Variants in WDR70 observed in about 807,000 individuals in gnomAD.
The protein encoded by WDR70 is WD repeat-containing protein 70.
A neutral mutation model predicts 88.6 loss-of-function variants in WDR70; 53 were observed. The ratio of observed to expected loss-of-function variants is 0.60; its 90% confidence interval spans 0.48 to 0.75. The LOEUF is 0.75. WDR70 is among the 30% of genes least tolerant of loss of function. The pLI, the probability that WDR70 is intolerant of heterozygous loss-of-function variation, is 0.00. For missense variants in WDR70, 610 were observed against 823.2 expected (o/e 0.74, Z 3.17); for synonymous variants, 280 against 270.0 (o/e 1.04, Z -0.36).
At chr5:37,601,655 T>G (rs537402565) in intron 9 of WDR70, among the ~76,000 whole-genome samples, 4 of 151,234 alleles carry the variant, frequency 2.6e-5, no homozygotes, top group African/African-American at 4.9e-5. Flanking sequence ...CAGGTCCTGG[T>G]TTTTTTTTGA....
At position 37,542,843 on chromosome 5, in the gene WDR70, C is replaced by A. The variant is rs79991753; in HGVS notation, c.917+26253C>A. The stretch of plus-strand genomic sequence containing the variant: ...TATGACTCATTAATTGCAAATATGA[C>A]CACAATTCTTCATCTTTGCTTATAT... On this transcript the variant is annotated intron_variant, in intron 9 of 17. Coordinates refer to ENST00000265107, the MANE Select transcript of WDR70 (RefSeq NM_018034.4). Among the ~76,000 whole-genome samples, 121 of 152,270 alleles carry A rather than the reference C, an allele frequency of 7.9e-4. 1 individual carries two copies. The highest frequency in any genetic ancestry group is 6.8e-3 in the Admixed American group (104 of 15,298).
intron 10 of WDR70, among the ~76,000 whole-genome samples, chr5:37,658,688 G>GC (rs915005192): frequency 1.3e-5 from 2 of 152,014 alleles, no homozygotes; most frequent in African/African-American, 4.8e-5. Context: ...CATCTGTTTA[G>GC]CCCCAGCTTC....
chr5:37,412,004 T>G (rs1749540843), intron 5 of WDR70, among the ~76,000 whole-genome samples: 1 of 152,072 alleles, frequency 6.6e-6, no homozygotes, highest in African/African-American at 2.4e-5. Context: ...AATTGTTCTT[T>G]CCAGTAGAAT....
chr5:37,615,397 G>C lies in WDR70; in HGVS notation c.1092+10159G>C, dbSNP rs150510123. On this transcript the variant is annotated intron_variant, in intron 10 of 17. Coordinates refer to ENST00000265107, the MANE Select transcript of WDR70 (RefSeq NM_018034.4). The stretch of plus-strand genomic sequence containing the variant: ...GAAATTTCAGGACACCAGGAATATA[G>C]AGAAGATTTTACTCACAGGGAATAC... Among the ~76,000 whole-genome samples the C allele has an allele frequency of 3.3e-5, 5 of 152,218 alleles. No homozygotes were observed. The East Asian group carries it at 9.7e-4, about 29-fold the overall frequency.
chr5:37,650,691 G>T (rs1358787754), intron 10 of WDR70, among the ~76,000 whole-genome samples: 1 of 152,086 alleles, frequency 6.6e-6, no homozygotes. Context: ...TTAATTTAGG[G>T]ATTATTTGCA....
chr5:37,553,013 A>G (rs531878256), intron 9 of WDR70, among the ~76,000 whole-genome samples: 25 of 152,352 alleles, frequency 1.6e-4, no homozygotes, highest in African/African-American at 5.8e-4. Context: ...GACTCGCCTG[A>G]GAAAGTTCTC....
intron 5 of WDR70, among the ~76,000 whole-genome samples, chr5:37,419,517 T>A (rs967567407): frequency 2.7e-5 from 4 of 150,150 alleles, no homozygotes; most frequent in South Asian, 4.5e-4. Flanking sequence ...TTTCTTTTTT[T>A]AAAAACTGAA....
intron 9 of WDR70, among the ~76,000 whole-genome samples, chr5:37,522,032 A>G (rs553346596): frequency 2.0e-5 from 3 of 152,150 alleles, no homozygotes; most frequent in African/African-American, 7.2e-5. Context: ...ACCAACATCT[A>G]TTATTTTTTG....
chr5:37,589,936 A>G (rs141882276), intron 9 of WDR70, among the ~76,000 whole-genome samples: 126 of 152,294 alleles, frequency 8.3e-4, no homozygotes, highest in African/African-American at 3.0e-3. Context: ...AAAATATTTT[A>G]CAAGTGCTTC....
At chr5:37,563,202 G>A (rs1249623698) in intron 9 of WDR70, among the ~76,000 whole-genome samples, 1 of 63,390 alleles carries the variant, frequency 1.6e-5, no homozygotes, top group Non-Finnish European at 4.0e-5. Flanking sequence ...CCTCCTGGAC[G>A]GGGCGGCTGG....
chr5:37,684,802 C>G (rs1746532513), intron 10 of WDR70, among the ~76,000 whole-genome samples: 1 of 152,192 alleles, frequency 6.6e-6, no homozygotes, highest in African/African-American at 2.4e-5. Context: ...GCAACAGTAG[C>G]AGCAGTGCAG....
At chr5:37,533,148 C>T (rs752027027) in intron 9 of WDR70, among the ~76,000 whole-genome samples, 2 of 152,142 alleles carry the variant, frequency 1.3e-5, no homozygotes, top group Non-Finnish European at 2.9e-5. Context: ...ATAGCAGCAC[C>T]CGAACCAGTA....
rs1213729596 is a variant in WDR70, at chr5:37,379,320, AGTT to A, written c.-44_-42del. On this transcript the variant is annotated 5_prime_UTR_variant, in exon 1 of 18. Transcript: ENST00000265107. ...GCAAGTTATTGGCAAGTTCCCCTGCAGTTGTTTGGGCTGTCCCTGTGGCTGGTT... is the reference window on the plus strand; with the variant it reads ...GCAAGTTATTGGCAAGTTCCCCTGCAGTTTGGGCTGTCCCTGTGGCTGGTT... The A allele has an allele frequency of 6.2e-7, 1 of 1,610,214 alleles. No homozygotes were observed. Among genetic ancestry groups the A allele is most frequent in the Non-Finnish European group, 8.5e-7 (1 of 1,178,170 alleles).
chr5:37,444,105 C>T (rs570688945), intron 7 of WDR70, among the ~76,000 whole-genome samples: 11 of 150,638 alleles, frequency 7.3e-5, no homozygotes, highest in East Asian at 6.0e-4. Flanking sequence ...GCCAGGATTG[C>T]GCCACTGCAC....
At chr5:37,717,390 G>T (rs1747681349) in intron 13 of WDR70, among the ~76,000 whole-genome samples, 1 of 152,204 alleles carries the variant, frequency 6.6e-6, no homozygotes, top group South Asian at 2.1e-4. Flanking sequence ...TGATTCTGTA[G>T]ATCTCATGTC....
intron 9 of WDR70, among the ~76,000 whole-genome samples, chr5:37,540,230 T>G (rs1009500671): frequency 1.3e-5 from 2 of 152,226 alleles, no homozygotes; most frequent in African/African-American, 2.4e-5. Context: ...ACAAATACGT[T>G]TGCTGAATGA....
intron 5 of WDR70, among the ~76,000 whole-genome samples, chr5:37,424,148 C>CAAAA (rs11304949): frequency 2.2e-4 from 12 of 55,502 alleles, no homozygotes; most frequent in Admixed American, 6.4e-4. Context: ...GACTCCATCT[C>CAAAA]AAAAAAAAAA....
chr5:37,562,858 G>A (rs555686002), intron 9 of WDR70, among the ~76,000 whole-genome samples: 3 of 151,978 alleles, frequency 2.0e-5, no homozygotes, highest in Admixed American at 2.0e-4. Context: ...TTTCTACACA[G>A]ACATGGCAAC....
chr5:37,385,970 A>AT (rs35515826), intron 3 of WDR70, among the ~76,000 whole-genome samples: 19,427 of 139,492 alleles, frequency 0.14, 1,573 homozygotes, highest in East Asian at 0.29. Context: ...TGCCTGGCTA[A>AT]TTTTTTTTTT....
Sources: gnomAD v4.1 joint callset for allele counts (sites outside exome capture counted in the v4.1 genomes callset) on GRCh38, gnomAD v4.1.1 for gene constraint, MANE v1.5 for transcripts, NCBI Gene and HGNC (gene_info 2026-07-23, HGNC 2026-07-21) for gene names.